XPR1: variants seen among roughly 807,000 people sequenced by gnomAD.
XPR1 encodes the protein xenotropic and polytropic retrovirus receptor 1.
XPR1 carries 28 observed loss-of-function variants against 87.5 expected under a neutral mutation model. The ratio of observed to expected loss-of-function variants is 0.32; its 90% confidence interval spans 0.24 to 0.44. The LOEUF (loss-of-function observed/expected upper bound fraction) is 0.44. Ranked by LOEUF, XPR1 falls within the 20% of genes least tolerant of loss-of-function variation. The pLI, the probability that XPR1 is intolerant of heterozygous loss-of-function variation, is 1.00. For synonymous variants in XPR1, 300 were observed against 306.1 expected, an observed-to-expected ratio of 0.98 and a Z score of 0.21; for missense variants, 559 against 862.3, an observed-to-expected ratio of 0.65 and a Z score of 4.41.
chr1:180,737,513 T>C (rs915632426), intron 2 of XPR1, among the ~76,000 whole-genome samples: 4 of 152,206 alleles, frequency 2.6e-5, no homozygotes, highest in African/African-American at 9.7e-5. Flanking sequence ...TTTATGAATT[T>C]AAACACAGAT....
chr1:180,734,251 G>A (rs1055610069), intron 2 of XPR1, among the ~76,000 whole-genome samples: 12 of 152,202 alleles, frequency 7.9e-5, no homozygotes, highest in African/African-American at 2.7e-4. Context: ...TGAAAAAGGA[G>A]TATTGGCAGG....
At chr1:180,638,375 A>T (rs1329016342) in intron 1 of XPR1, among the ~76,000 whole-genome samples, 1 of 152,194 alleles carries the variant, frequency 6.6e-6, no homozygotes, top group Non-Finnish European at 1.5e-5. Flanking sequence ...ACTTTGCCCA[A>T]CTTGTACAGA....
intron 11 of XPR1, among the ~76,000 whole-genome samples, chr1:180,842,902 G>A (rs1195553625): frequency 6.6e-6 from 1 of 152,184 alleles, no homozygotes; most frequent in African/African-American, 2.4e-5. Flanking sequence ...TTGCTAAAAA[G>A]CATTTGCTAC....
At chr1:180,651,252 C>T (rs1655284621) in intron 1 of XPR1, among the ~76,000 whole-genome samples, 1 of 152,042 alleles carries the variant, frequency 6.6e-6, no homozygotes, top group Non-Finnish European at 1.5e-5. Context: ...CTACCACACC[C>T]AGCTAATTTG....
At chr1:180,858,548 T>C (rs1652110562) in intron 11 of XPR1, among the ~76,000 whole-genome samples, 1 of 152,218 alleles carries the variant, frequency 6.6e-6, no homozygotes, top group Non-Finnish European at 1.5e-5. Context: ...AAATGTTCCT[T>C]AGATGAGGAT....
intron 1 of XPR1, among the ~76,000 whole-genome samples, chr1:180,674,507 C>T (rs539721960): frequency 1.2e-3 from 188 of 152,276 alleles, no homozygotes; most frequent in African/African-American, 4.3e-3. Context: ...GACCCACCCT[C>T]CTCGGCCTCC....
chr1:180,863,952 A>G (rs897566660), intron 12 of XPR1, 78 bp downstream of exon 12: 42 of 1,179,402 alleles, frequency 3.6e-5, no homozygotes, highest in Non-Finnish European at 4.4e-5. Flanking sequence ...GTACAGACCC[A>G]ACCTCTAATT....
At chr1:180,836,868 G>A (rs1206070761) in intron 11 of XPR1, 152 bp downstream of exon 11, 4 of 843,220 alleles carry the variant, frequency 4.7e-6, no homozygotes, top group Admixed American at 5.3e-5. Flanking sequence ...GTTCTTGAAT[G>A]CAGTTTTAGT....
intron 2 of XPR1, among the ~76,000 whole-genome samples, chr1:180,758,028 A>G (rs890934704): frequency 6.6e-6 from 1 of 151,940 alleles, no homozygotes; most frequent in African/African-American, 2.4e-5. Context: ...TGTCTTACAG[A>G]AGAGTATGGT....
intron 14 of XPR1, among the ~76,000 whole-genome samples, chr1:180,883,399 T>C (rs1010791714): frequency 2.0e-5 from 3 of 152,040 alleles, no homozygotes; most frequent in Non-Finnish European, 4.4e-5. Context: ...AAGGGTTAAA[T>C]AGATGCATCA....
intron 1 of XPR1, among the ~76,000 whole-genome samples, chr1:180,650,902 G>A (rs1170489251): frequency 6.6e-6 from 1 of 152,126 alleles, no homozygotes; most frequent in Non-Finnish European, 1.5e-5. Flanking sequence ...TAAGGGCCTG[G>A]CCTGTAGAAT....
At chr1:180,641,786 A>G (rs1407502298) in intron 1 of XPR1, among the ~76,000 whole-genome samples, 1 of 152,166 alleles carries the variant, frequency 6.6e-6, no homozygotes, top group African/African-American at 2.4e-5. Flanking sequence ...ATGCCAAGAT[A>G]CCTGGTCAGA....
At chr1:180,874,516 G>A (rs189937508) in intron 13 of XPR1, among the ~76,000 whole-genome samples, 5 of 151,466 alleles carry the variant, frequency 3.3e-5, no homozygotes, top group East Asian at 3.9e-4. Flanking sequence ...ATGGTGAAAC[G>A]CTGTCTCTGC....
At chr1:180,806,266 G>A (rs1649987717) in intron 5 of XPR1, 55 bp downstream of exon 5, 1 of 1,584,500 alleles carries the variant, frequency 6.3e-7, no homozygotes, top group South Asian at 1.1e-5. Flanking sequence ...TTTATATTTA[G>A]GGAAGCAATT....
intron 2 of XPR1, among the ~76,000 whole-genome samples, chr1:180,730,580 G>A (rs999920526): frequency 4.6e-5 from 7 of 152,158 alleles, no homozygotes; most frequent in African/African-American, 1.7e-4. Flanking sequence ...GCCAGAGTCT[G>A]GCAGCCAGGC....
intron 11 of XPR1, among the ~76,000 whole-genome samples, chr1:180,857,746 G>A (rs1652082686): frequency 6.6e-6 from 1 of 152,004 alleles, no homozygotes; most frequent in South Asian, 2.1e-4. Context: ...TACCTAGTTA[G>A]GTTACCCAGT....
At chr1:180,657,454 A>C (rs1168115440) in intron 1 of XPR1, among the ~76,000 whole-genome samples, 3 of 151,950 alleles carry the variant, frequency 2.0e-5, no homozygotes, top group African/African-American at 7.3e-5. Flanking sequence ...ATCCACTTTT[A>C]TTTGATTTTT....
intron 2 of XPR1, among the ~76,000 whole-genome samples, chr1:180,729,572 T>G (rs1485629756): frequency 6.6e-6 from 1 of 152,222 alleles, no homozygotes; most frequent in Admixed American, 6.5e-5. Flanking sequence ...CTTTTATTTT[T>G]TGACTTTTTA....
chr1:180,856,753 TC>T (rs992864666), intron 11 of XPR1, among the ~76,000 whole-genome samples: 2 of 152,186 alleles, frequency 1.3e-5, no homozygotes, highest in Non-Finnish European at 2.9e-5. Flanking sequence ...ACCTCTCTGT[TC>T]CTTAAACTTA....
Sources: allele counts gnomAD v4.1 joint callset (sites outside exome capture counted in the v4.1 genomes callset), GRCh38; gene constraint gnomAD v4.1.1; transcripts MANE v1.5; gene names NCBI Gene and HGNC (gene_info 2026-07-23, HGNC 2026-07-21).